YTHDF3: variants seen among roughly 807,000 people sequenced by gnomAD.
The protein encoded by YTHDF3 is YTH N6-methyladenosine RNA binding protein F3.
A neutral mutation model predicts 52.5 loss-of-function variants in YTHDF3; 9 were observed. The ratio of observed to expected loss-of-function variants is 0.17; its 90% CI spans 0.10 to 0.30. The LOEUF (loss-of-function observed/expected upper bound fraction) is 0.30, where lower values mean the gene tolerates loss of function less well. Ranked by LOEUF, YTHDF3 falls within the 10% of genes least tolerant of loss-of-function variation. The probability of loss-of-function intolerance (pLI) is 1.00; values close to 1 mark genes in which losing one functional copy is unlikely to be tolerated. For synonymous variants in YTHDF3, 274 were observed against 243.3 expected, an observed-to-expected ratio of 1.13 and a Z score of -1.18; for missense variants, 534 against 715.0, an observed-to-expected ratio of 0.75 and a Z score of 2.89.
At chr8:63,182,549 A>G (rs887856489) in intron 3 of YTHDF3, among the ~76,000 whole-genome samples, 2 of 152,168 alleles carry the variant, frequency 1.3e-5, no homozygotes, top group African/African-American at 4.8e-5. Context: ...AGCATTTGTC[A>G]TAGTGAAATA....
At chr8:63,168,600 A>T (rs1416605683), upstream of YTHDF3, 3 of 579,260 alleles carry the variant, frequency 5.2e-6, no homozygotes, top group South Asian at 2.0e-5. Flanking sequence ...GCGGAAGGTC[A>T]GGGAGGCTCG....
At chr8:63,194,512 T>A (rs1021988051) in intron 4 of YTHDF3, among the ~76,000 whole-genome samples, 16 of 151,796 alleles carry the variant, frequency 1.1e-4, no homozygotes, top group Non-Finnish European at 1.9e-4. Flanking sequence ...AAAAAAAAAA[T>A]AAATAAATTT....
Position 63,209,868 on chromosome 8 carries a change from C to A in YTHDF3, c.*162C>A. Reference sequence around the variant, plus strand: ...CTTCTCGTAATGGTTTTCATCAGCGCATCTGCCCTTATACTCTTCACCAAA... The same window carrying A: ...CTTCTCGTAATGGTTTTCATCAGCGAATCTGCCCTTATACTCTTCACCAAA... On this transcript the variant is annotated 3_prime_UTR_variant, in exon 5 of 5. Transcript: ENST00000539294. 1 of 674,806 alleles carries A rather than the reference C, an allele frequency of 1.5e-6. No homozygotes were observed. The highest frequency in any genetic ancestry group is 2.8e-5 in the East Asian group (1 of 35,900). 41.8% of individuals were successfully genotyped at this position (674,806 alleles called of 1,614,324 possible).
intron 4 of YTHDF3, among the ~76,000 whole-genome samples, chr8:63,189,476 T>G (rs1037285778): frequency 6.6e-6 from 1 of 152,226 alleles, no homozygotes; most frequent in Non-Finnish European, 1.5e-5. Flanking sequence ...ATGGAAAGCA[T>G]GTTCTTATGG....
chr8:63,169,362 C>T lies in YTHDF3; in HGVS notation c.25-25C>T, dbSNP rs75630201. Reference sequence around the variant, plus strand: ...CTTTTCTTCCTTTTTCTCCTCTTTACCGCATCTTTCGTCTTGCAACACAGA... The same window carrying T: ...CTTTTCTTCCTTTTTCTCCTCTTTATCGCATCTTTCGTCTTGCAACACAGA... On this transcript the variant is annotated intron_variant, in intron 1 of 4. Coordinates refer to ENST00000539294, the MANE Select transcript of YTHDF3 (RefSeq NM_152758.6). 3.1e-3 allele frequency: 4,967 copies of T among 1,597,706 alleles called. 192 individuals carry two copies. In the East Asian group the frequency reaches 0.098, roughly 32 times the overall value.
At chr8:63,205,314 G>A (rs940369418) in intron 4 of YTHDF3, among the ~76,000 whole-genome samples, 1 of 151,956 alleles carries the variant, frequency 6.6e-6, no homozygotes, top group Non-Finnish European at 1.5e-5. Flanking sequence ...TTATCCTCAA[G>A]TTACTTTCCA....
chr8:63,203,734 G>A (rs1244455726), intron 4 of YTHDF3, among the ~76,000 whole-genome samples: 1 of 152,122 alleles, frequency 6.6e-6, no homozygotes, highest in Non-Finnish European at 1.5e-5. Flanking sequence ...TACTCTCTAA[G>A]CTGTTACAGT....
Position 63,173,629 on chromosome 8 carries a change from T to C in YTHDF3, c.50-1702T>C, listed in dbSNP as rs1209134414. ...TTTTTTTTCAAGAAGTAATAGACCA[T>C]GCATACTTACCTTTGATTTAGGAGC... On this transcript the variant is annotated intron_variant, in intron 2 of 4. Coordinates refer to ENST00000539294, the MANE Select transcript of YTHDF3 (RefSeq NM_152758.6). The C allele has an allele frequency of 5.1e-6, 5 of 984,906 alleles. No homozygotes were observed. In the South Asian group the frequency reaches 1.4e-4, roughly 28 times the overall value. The allele number at this position is 984,906 out of a possible 1,614,324, so 61.0% of individuals were successfully genotyped here.
In YTHDF3 at chr8:63,212,503, G is replaced by T. The variant is rs182288658; in HGVS notation, c.*2797G>T. On this transcript the variant is annotated 3_prime_UTR_variant, in exon 5 of 5. Coordinates refer to ENST00000539294, the MANE Select transcript of YTHDF3 (RefSeq NM_152758.6). The stretch of plus-strand genomic sequence containing the variant: ...TGCATTCTGCATCCTTTAAAAATAA[G>T]TTTAAGAAATTTAAGAGAATTGTGT... 6.5e-6 allele frequency: 1 copy of T among 152,710 alleles called. No individual in the cohort carries two copies. The highest frequency in any genetic ancestry group is 2.4e-5 in the African/African-American group (1 of 41,558). 9.5% of individuals were successfully genotyped at this position (152,710 alleles called of 1,614,324 possible).
rs747859855 is a variant in YTHDF3 at position 63,187,442 on chromosome 8, T to G, written c.1431T>G (p.Ala477=). ...VNGSGHFCGV[A]EMKSVVDYNA... Reference sequence around the variant, plus strand: ...GCAGTGGACATTTTTGTGGAGTGGCTGAAATGAAGTCTGTTGTGGACTATA... The same window carrying G: ...GCAGTGGACATTTTTGTGGAGTGGCGGAAATGAAGTCTGTTGTGGACTATA... Residue 477 remains alanine, a synonymous_variant, in exon 4 of 5, where the codon GCT becomes GCG. Transcript: ENST00000539294. 1.2e-6 allele frequency: 2 copies of G among 1,613,922 alleles called. No homozygotes were observed. Among genetic ancestry groups the G allele is most frequent in the African/African-American group, 2.7e-5 (2 of 74,934 alleles).
chr8:63,190,027 C>T (rs543201947), intron 4 of YTHDF3, among the ~76,000 whole-genome samples: 6 of 152,178 alleles, frequency 3.9e-5, no homozygotes, highest in African/African-American at 1.4e-4. Context: ...TTACAAGTAG[C>T]GCATCAGGAG....
At chr8:63,173,350 C>A (rs2129974121) in intron 2 of YTHDF3, among the ~76,000 whole-genome samples, 1 of 151,174 alleles carries the variant, frequency 6.6e-6, no homozygotes, top group South Asian at 2.1e-4. Context: ...CTCAAGTGAT[C>A]CTCCTTAGAC....
intron 4 of YTHDF3, among the ~76,000 whole-genome samples, chr8:63,209,199 A>G (rs1238915793): frequency 6.6e-6 from 1 of 152,074 alleles, no homozygotes; most frequent in East Asian, 1.9e-4. Context: ...AAAGTTATCT[A>G]TCGTGTGCTG....
intron 2 of YTHDF3, among the ~76,000 whole-genome samples, chr8:63,171,795 T>C (rs1807344103): frequency 1.3e-5 from 2 of 152,220 alleles, no homozygotes; most frequent in African/African-American, 4.8e-5. Flanking sequence ...TAGTATGTCC[T>C]TGAGAAGTTG....
intron 4 of YTHDF3, among the ~76,000 whole-genome samples, chr8:63,209,037 T>C (rs1412631743): frequency 3.9e-5 from 6 of 151,956 alleles, no homozygotes; most frequent in Non-Finnish European, 8.8e-5. Flanking sequence ...CCAGCTAATT[T>C]TTGTATTTTT....
chr8:63,169,561 C>G, intron 2 of YTHDF3, 150 bp downstream of exon 2: 1 of 808,240 alleles, frequency 1.2e-6, no homozygotes, highest in Non-Finnish European at 2.0e-6. Context: ...TAGCCAAGTT[C>G]TATCCAGAAC....
chr8:63,186,163 C>A lies in YTHDF3; in HGVS notation c.152C>A (p.Pro51Gln). The A allele has an allele frequency of 6.2e-7, 1 of 1,610,276 alleles. No individual in the cohort carries two copies. The highest frequency in any genetic ancestry group is 8.5e-7 in the Non-Finnish European group (1 of 1,176,980). ...GTTTTGCAGAGTAACAGCTATCCAC[C>A]AATGTCAGATCCATACATGCCTAGT... is the stretch of plus-strand genomic sequence containing the variant. The part of the protein sequence containing the change: ...SQTNQSNSYP[P>Q]MSDPYMPSYY... The change falls in exon 4 of 5, where the codon CCA becomes CAA. Residue 51 changes from proline (P) to glutamine (Q), a missense_variant. By Grantham distance (76) the Pro-to-Gln change is moderately conservative. Around this residue, in one of 3 missense-constraint regions of YTHDF3, gnomAD observed 196 missense variants for 299.5 expected, o/e 0.65. Coordinates refer to ENST00000539294, the MANE Select transcript of YTHDF3 (RefSeq NM_152758.6).
intron 2 of YTHDF3, 97 bp downstream of exon 2, chr8:63,169,508 G>T: frequency 1.5e-6 from 2 of 1,338,836 alleles, no homozygotes; most frequent in Non-Finnish European, 2.1e-6. Flanking sequence ...CTCCCTCTTG[G>T]GAAAAAATGT....
At chr8:63,195,711 A>G (rs573027890) in intron 4 of YTHDF3, among the ~76,000 whole-genome samples, 32 of 150,290 alleles carry the variant, frequency 2.1e-4, no homozygotes, top group Admixed American at 4.0e-4. Flanking sequence ...CCTGGGCAAC[A>G]TAGTGAGACC....
Sources: gnomAD v4.1 joint callset for allele counts (sites outside exome capture counted in the v4.1 genomes callset) on GRCh38, gnomAD v4.1.1 for gene constraint, gnomAD v4.1.1 regional missense constraint, MANE v1.5 for transcripts, NCBI Gene and HGNC (gene_info 2026-07-23, HGNC 2026-07-21) for gene names.